The following MACROD2 variants were observed in gnomAD, a reference collection of about 807,000 sequenced individuals.
MACROD2 encodes mono-ADP ribosylhydrolase 2, also known as ADP-ribose glycohydrolase MACROD2.
A neutral mutation model predicts 70.4 loss-of-function variants in MACROD2; 36 were observed. That is an observed-to-expected ratio of 0.51 (90% CI 0.39 to 0.68). The LOEUF (loss-of-function observed/expected upper bound fraction) is 0.68. Ranked by LOEUF, MACROD2 falls within the 30% of genes least tolerant of loss-of-function variation. MACROD2 has a pLI of 0.00. For synonymous variants in MACROD2, 172 were observed against 178.8 expected (o/e 0.96, Z 0.30); for missense variants, 496 against 538.4 (o/e 0.92, Z 0.78).
intron 3 of MACROD2, among the ~76,000 whole-genome samples, chr20:14,154,733 T>G (rs2055075593): frequency 6.6e-6 from 1 of 152,056 alleles, no homozygotes; most frequent in South Asian, 2.1e-4. Flanking sequence ...TTTTAAATTT[T>G]ATCAGTGAGC....
At chr20:14,144,733 G>C (rs2054923861) in intron 3 of MACROD2, among the ~76,000 whole-genome samples, 1 of 152,184 alleles carries the variant, frequency 6.6e-6, no homozygotes, top group Non-Finnish European at 1.5e-5. Flanking sequence ...TTTAGAAGCA[G>C]CCTGCATTTT....
intron 4 of MACROD2, among the ~76,000 whole-genome samples, chr20:14,634,582 T>C (rs1024189683): frequency 1.4e-5 from 2 of 142,496 alleles, no homozygotes; most frequent in Non-Finnish European, 3.0e-5. Context: ...TCCTATATGG[T>C]CCTGTCAGCA....
chr20:15,597,095 A>G (rs1292321949), intron 8 of MACROD2, among the ~76,000 whole-genome samples: 17 of 152,132 alleles, frequency 1.1e-4, no homozygotes, highest in Non-Finnish European at 8.8e-5. Flanking sequence ...TTATGTTTTT[A>G]TTTGTTTGTT....
At chr20:15,297,063 GCGGCTT>G (rs1479078599) in intron 6 of MACROD2, among the ~76,000 whole-genome samples, 1 of 152,200 alleles carries the variant, frequency 6.6e-6, no homozygotes, top group Non-Finnish European at 1.5e-5. Flanking sequence ...CCAGTGCTGG[GCGGCTT>G]ACACAGGAGA....
At chr20:15,674,754 TTG>T (rs3071296) in intron 8 of MACROD2, among the ~76,000 whole-genome samples, 3,222 of 148,372 alleles carry the variant, frequency 0.022, 95 homozygotes, top group African/African-American at 0.07. Flanking sequence ...TGTGTGTGTG[TTG>T]TGTGTGTGTG....
Position 14,326,292 on chromosome 20 carries a change from A to G in MACROD2, c.272-167187A>G. On this transcript the variant is annotated intron_variant, in intron 3 of 17. Transcript: ENST00000684519. The surrounding 1 kb of genome is among the most constrained non-coding windows in gnomAD (Gnocchi z 5.5). Reference sequence around the variant, plus strand: ...TAATTGTAATTGTTTTTCTTGAGGGACTCCCTGTGGTTTGGTGATCCTTAG... The same window carrying G: ...TAATTGTAATTGTTTTTCTTGAGGGGCTCCCTGTGGTTTGGTGATCCTTAG... 6.2e-7 allele frequency: 1 copy of G among 1,613,576 alleles called. No homozygotes were observed. Among genetic ancestry groups the G allele is most frequent in the Non-Finnish European group, 8.5e-7 (1 of 1,179,818 alleles).
chr20:14,767,349 A>G (rs185600582), intron 5 of MACROD2, among the ~76,000 whole-genome samples: 55 of 152,158 alleles, frequency 3.6e-4, no homozygotes, highest in South Asian at 8.3e-4. Flanking sequence ...TTTTAAGGAA[A>G]AACACTAGCT....
intron 3 of MACROD2, among the ~76,000 whole-genome samples, chr20:14,374,966 C>T (rs1266226009): frequency 1.3e-5 from 2 of 152,188 alleles, no homozygotes; most frequent in Admixed American, 6.5e-5. Context: ...CATTAGAGAG[C>T]AGGTAATTAT....
At chr20:15,530,559 C>T (rs549945581) in intron 8 of MACROD2, among the ~76,000 whole-genome samples, 3 of 151,718 alleles carry the variant, frequency 2.0e-5, no homozygotes, top group East Asian at 1.9e-4. Context: ...GGTGAAAACC[C>T]GTCTCTACTA....
intron 4 of MACROD2, among the ~76,000 whole-genome samples, chr20:14,591,297 C>T (rs1330893820): frequency 6.6e-6 from 1 of 152,122 alleles, no homozygotes; most frequent in Non-Finnish European, 1.5e-5. Context: ...CCCAAAAGGA[C>T]ACAAGGCTGT....
intron 5 of MACROD2, among the ~76,000 whole-genome samples, chr20:15,085,520 A>G (rs1031876129): frequency 2.6e-5 from 4 of 152,170 alleles, no homozygotes; most frequent in Admixed American, 2.6e-4. Flanking sequence ...CCTAGCATAC[A>G]TAAAGAACTT....
At chr20:15,264,119 C>A (rs17370127) in intron 6 of MACROD2, among the ~76,000 whole-genome samples, 2,129 of 152,134 alleles carry the variant, frequency 0.014, 27 homozygotes, top group Non-Finnish European at 0.022. Flanking sequence ...AAGTATAGGC[C>A]AAAATCTGGC....
intron 3 of MACROD2, among the ~76,000 whole-genome samples, chr20:14,454,523 A>C (rs1281619695): frequency 6.6e-6 from 1 of 151,866 alleles, no homozygotes; most frequent in Non-Finnish European, 1.5e-5. Flanking sequence ...TTTTTCTTGC[A>C]TAAACAGAAG....
At chr20:15,623,706 A>ATCTG (rs2049160776) in intron 8 of MACROD2, among the ~76,000 whole-genome samples, 1 of 151,672 alleles carries the variant, frequency 6.6e-6, no homozygotes, top group Non-Finnish European at 1.5e-5. Context: ...CTATCTATCT[A>ATCTG]TCTATCTATC....
At chr20:14,120,875 G>A (rs2054579163) in intron 3 of MACROD2, among the ~76,000 whole-genome samples, 1 of 150,950 alleles carries the variant, frequency 6.6e-6, no homozygotes, top group South Asian at 2.1e-4. Context: ...CATGGCCACC[G>A]AGAGGGGAAC....
Position 15,134,847 on chromosome 20 carries a change from A to C in MACROD2, c.419-95093A>C, listed in dbSNP as rs543974114. Among the ~76,000 whole-genome samples, 1,513 of 151,996 alleles carry C rather than the reference A, an allele frequency of 1.0e-2. 10 individuals carry two copies. The highest frequency in any genetic ancestry group is 0.015 in the Non-Finnish European group (999 of 68,026). On this transcript the variant is annotated intron_variant, in intron 5 of 17. Coordinates refer to ENST00000684519, the MANE Select transcript of MACROD2 (RefSeq NM_001351661.2). ...AAGACTAATAAAAAAAGAGAGAAGA[A>C]TCAAATAGACACAATAAAAAATGAT...
At chr20:14,272,944 C>G (rs1339743739) in intron 3 of MACROD2, among the ~76,000 whole-genome samples, 1 of 151,858 alleles carries the variant, frequency 6.6e-6, no homozygotes, top group Non-Finnish European at 1.5e-5. Context: ...GAAGAGCTAA[C>G]TATCCTAAAT....
chr20:15,844,764 G>A (rs565085623), intron 8 of MACROD2, among the ~76,000 whole-genome samples: 4 of 152,034 alleles, frequency 2.6e-5, no homozygotes, highest in South Asian at 2.1e-4. Context: ...ATTGAGTGTC[G>A]GCTCTATATT....
At chr20:15,617,899 G>T (rs2049060610) in intron 8 of MACROD2, among the ~76,000 whole-genome samples, 1 of 152,042 alleles carries the variant, frequency 6.6e-6, no homozygotes, top group African/African-American at 2.4e-5. Context: ...GTGGGGACAG[G>T]GTTTTAGGAA....
Sources: gnomAD v4.1 joint callset for allele counts (sites outside exome capture counted in the v4.1 genomes callset) on GRCh38, gnomAD v4.1.1 for gene constraint, Gnocchi (gnomAD v3.1) non-coding constraint, MANE v1.5 for transcripts, NCBI Gene and HGNC (gene_info 2026-07-23, HGNC 2026-07-21) for gene names.